The following PABIR3 variants were observed in gnomAD, a reference collection of about 807,000 sequenced individuals.
PABIR3 encodes the protein PABIR family member 3, also known as PABIR family member 1.
Under a neutral mutation model 23.1 loss-of-function variants are expected in PABIR3, and 20 were observed. The ratio of observed to expected loss-of-function variants is 0.86; its 90% confidence interval spans 0.61 to 1.26. The LOEUF (loss-of-function observed/expected upper bound fraction) is 1.26. PABIR3 is among the 50% of genes most tolerant of loss of function. PABIR3 has a pLI of 0.00. For synonymous variants in PABIR3, 69 were observed against 68.5 expected, an observed-to-expected ratio of 1.01 and a Z score of -0.04; for missense variants, 189 against 195.4, an observed-to-expected ratio of 0.97 and a Z score of 0.20.
chrX:134,823,794 T>G (rs2081392755), intron 3 of PABIR3, among the ~76,000 whole-genome samples: 1 of 110,881 alleles, frequency 9.0e-6, no homozygotes, highest in Middle Eastern at 4.2e-3. Flanking sequence ...TTTGAAAGTT[T>G]GATTATTTTT....
intron 1 of PABIR3, among the ~76,000 whole-genome samples, chrX:134,801,754 G>T (rs2080069609): frequency 9.0e-6 from 1 of 111,337 alleles, no homozygotes. Flanking sequence ...TTTCTCCTTA[G>T]CCCTGTCCTT....
rs902877224 is a variant in PABIR3, at chrX:134,814,965, C to T, written c.189+116C>T. The T allele has an allele frequency of 5.3e-5, 28 of 531,664 alleles. No homozygotes were observed. The East Asian group carries it at 7.8e-4, about 15-fold the overall frequency. The allele number at this position is 531,664 out of a possible 1,213,427, so 43.8% of individuals were successfully genotyped here. ...GGCTTATTAAAACACAGATGGCCAG[C>T]GGGAGTCTCACCCCCAGGGTTTCTG... On this transcript the variant is annotated intron_variant, in intron 3 of 10. Transcript: ENST00000645433.
chrX:134,861,931 T>C, the PABIR3 span, among the ~76,000 whole-genome samples: 1 of 110,055 alleles, frequency 9.1e-6, no homozygotes, highest in South Asian at 3.8e-4. Flanking sequence ...AAGGGACAGC[T>C]TGTGGGATTG....
upstream of PABIR3, among the ~76,000 whole-genome samples, chrX:134,805,959 A>G (rs2080212802): frequency 1.8e-5 from 2 of 111,301 alleles, no homozygotes; most frequent in South Asian, 7.4e-4. Context: ...TTAATTAATA[A>G]CTCCCATTTC....
chrX:134,844,893 A>G (rs959887986), intron 4 of PABIR3, among the ~76,000 whole-genome samples: 6 of 112,202 alleles, frequency 5.3e-5, no homozygotes, highest in Non-Finnish European at 1.1e-4. Flanking sequence ...AGACCTTTAA[A>G]AAGTTTAGGG....
intron 4 of PABIR3, among the ~76,000 whole-genome samples, chrX:134,839,938 A>G (rs1271257831): frequency 2.7e-5 from 3 of 112,953 alleles, no homozygotes; most frequent in East Asian, 5.6e-4. Flanking sequence ...AGGTGGGGAA[A>G]AGATTGAGAA....
downstream of PABIR3, among the ~76,000 whole-genome samples, chrX:134,856,254 C>T (rs911032130): frequency 3.8e-5 from 4 of 104,994 alleles, no homozygotes; most frequent in African/African-American, 1.4e-4. Context: ...GGCATGATCT[C>T]GGCTCACTGC....
chrX:134,828,775 A>G (rs980125557), intron 3 of PABIR3, among the ~76,000 whole-genome samples: 1 of 111,947 alleles, frequency 8.9e-6, no homozygotes, highest in Non-Finnish European at 1.9e-5. Context: ...AGGATATTTG[A>G]TGTAGTTATT....
chrX:134,846,500 T>G (rs1487950333), intron 6 of PABIR3, among the ~76,000 whole-genome samples: 2 of 112,416 alleles, frequency 1.8e-5, no homozygotes, highest in Non-Finnish European at 3.7e-5. Flanking sequence ...TTCTTTTCTA[T>G]GGACATCCCA....
upstream of PABIR3, among the ~76,000 whole-genome samples, chrX:134,803,877 G>A (rs900983163): frequency 3.6e-5 from 4 of 109,603 alleles, no homozygotes; most frequent in African/African-American, 1.0e-4. Context: ...TCATTTCTAG[G>A]TTTTATTAAC....
chrX:134,850,039 A>AT (rs1054638760), intron 9 of PABIR3, among the ~76,000 whole-genome samples: 5 of 106,547 alleles, frequency 4.7e-5, no homozygotes, highest in Non-Finnish European at 7.7e-5. Flanking sequence ...TGCCCAGCTA[A>AT]TTTTTTTGTA....
At chrX:134,861,706 T>C in the PABIR3 span, among the ~76,000 whole-genome samples, 1 of 107,878 alleles carries the variant, frequency 9.3e-6, no homozygotes, top group African/African-American at 3.4e-5. Flanking sequence ...AAAGGTTTGC[T>C]TTTAAAGGCA....
At chrX:134,842,762 G>T (rs1367556986) in intron 4 of PABIR3, among the ~76,000 whole-genome samples, 3 of 110,624 alleles carry the variant, frequency 2.7e-5, no homozygotes, top group Non-Finnish European at 5.7e-5. Flanking sequence ...GCTGGGTGTG[G>T]TGGCGGGTGC....
In PABIR3 at chrX:134,827,479, C is replaced by T. The variant is rs184235257; in HGVS notation, c.190-1747C>T. Among the ~76,000 whole-genome samples, 167 of 111,081 alleles carry T rather than the reference C, an allele frequency of 1.5e-3. 1 individual carries two copies. The highest frequency in any genetic ancestry group is 4.4e-3 in the African/African-American group (134 of 30,597). On this transcript the variant is annotated intron_variant, in intron 3 of 10. Transcript: ENST00000645433. ...ATCTGTGACCTGGCCTGTGACCCTG[C>T]GTCTAGTCCCTCTTCCATCCACCAT...
chrX:134,807,364 G>T, intron 1 of PABIR3, 23 bp downstream of exon 1: 1 of 964,483 alleles, frequency 1.0e-6, no homozygotes. Flanking sequence ...CTCATCGTTA[G>T]AGGCCCCGAT....
At chrX:134,861,365 G>C in the PABIR3 span, among the ~76,000 whole-genome samples, 2 of 110,717 alleles carry the variant, frequency 1.8e-5, no homozygotes, top group Non-Finnish European at 3.8e-5. Context: ...GGTTAAAATA[G>C]TAAGTTTTAT....
At chrX:134,823,022 C>T (rs1440358734) in intron 3 of PABIR3, 1 of 110,992 alleles carries the variant, frequency 9.0e-6, no homozygotes, top group Admixed American at 9.6e-5. Flanking sequence ...TGCCTGTAGT[C>T]CCAACTACTC....
chrX:134,814,388 G>A (rs1295239301), intron 2 of PABIR3, among the ~76,000 whole-genome samples: 5 of 111,515 alleles, frequency 4.5e-5, no homozygotes, highest in Non-Finnish European at 9.4e-5. Flanking sequence ...TGCTGTTTAG[G>A]TATTTGAAAT....
intron 10 of PABIR3, among the ~76,000 whole-genome samples, chrX:134,853,620 T>G (rs1285413390): frequency 9.1e-6 from 1 of 109,785 alleles, no homozygotes; most frequent in Non-Finnish European, 1.9e-5. Context: ...TCTTTCTTTT[T>G]TTTTTTTTGT....
Sources: gnomAD v4.1 joint callset for allele counts (sites outside exome capture counted in the v4.1 genomes callset) on GRCh38, gnomAD v4.1.1 for gene constraint, MANE v1.5 for transcripts, NCBI Gene and HGNC (gene_info 2026-07-23, HGNC 2026-07-21) for gene names.